CMIP: variants seen among roughly 807,000 people sequenced by gnomAD.
The protein encoded by CMIP is C-Maf-inducing protein.
Under a neutral mutation model 97.3 loss-of-function variants are expected in CMIP, and 13 were observed. That is an observed-to-expected ratio of 0.13 (90% CI 0.09 to 0.21). The LOEUF (loss-of-function observed/expected upper bound fraction) is 0.21. Among genes scored for constraint, CMIP ranks in the 10% least tolerant of loss-of-function variants. The pLI, the probability that CMIP is intolerant of heterozygous loss-of-function variation, is 1.00. For synonymous variants in CMIP, 538 were observed against 436.3 expected (o/e 1.23, Z -2.91); for missense variants, 847 against 1,024.9 (o/e 0.83, Z 2.37).
chr16:81,575,627 C>G (rs1251471122), intron 1 of CMIP, among the ~76,000 whole-genome samples: 1 of 152,144 alleles, frequency 6.6e-6, no homozygotes. Context: ...ATTGTCACCT[C>G]CTTGGTTCCT....
chr16:81,619,052 C>G (rs1469438489), intron 2 of CMIP: 1 of 152,266 alleles, frequency 6.6e-6, no homozygotes, highest in Non-Finnish European at 1.5e-5. Context: ...GGGGCACAGG[C>G]TTGGGTCGTC....
intron 1 of CMIP, among the ~76,000 whole-genome samples, chr16:81,535,142 G>T (rs906368246): frequency 6.6e-6 from 1 of 152,098 alleles, no homozygotes; most frequent in Non-Finnish European, 1.5e-5. Flanking sequence ...AGTAGAGACG[G>T]GGTTTCACTG....
chr16:81,559,832 T>C (rs2090841775), intron 1 of CMIP, among the ~76,000 whole-genome samples: 1 of 152,160 alleles, frequency 6.6e-6, no homozygotes, highest in Non-Finnish European at 1.5e-5. Context: ...CTCAGGCAAG[T>C]CTTTCAAGAG....
At chr16:81,551,746 T>A (rs2090662606) in intron 1 of CMIP, among the ~76,000 whole-genome samples, 1 of 152,106 alleles carries the variant, frequency 6.6e-6, no homozygotes. Flanking sequence ...ATCATAGGGG[T>A]CTGTGTCCAA....
chr16:81,706,368 G>A (rs903283323), intron 19 of CMIP, among the ~76,000 whole-genome samples: 6 of 152,236 alleles, frequency 3.9e-5, no homozygotes, highest in African/African-American at 1.4e-4. Context: ...CTACCGGGCC[G>A]CTGGCAAATG....
intron 6 of CMIP, among the ~76,000 whole-genome samples, chr16:81,662,696 G>T (rs1361790662): frequency 6.6e-6 from 1 of 152,222 alleles, no homozygotes; most frequent in Non-Finnish European, 1.5e-5. Flanking sequence ...TCATCTGGGG[G>T]CCGGGTGGGT....
intron 1 of CMIP, among the ~76,000 whole-genome samples, chr16:81,527,736 GT>G (rs1178043227): frequency 6.6e-6 from 1 of 152,222 alleles, no homozygotes; most frequent in Non-Finnish European, 1.5e-5. Context: ...CTCCACATGT[GT>G]TTGTGAGCTT....
At position 81,615,306 on chromosome 16, in the gene CMIP, G is replaced by GTATA. The variant is rs2091898211; in HGVS notation, c.427-5570_427-5569insTATA. Among the ~76,000 whole-genome samples the GTATA allele has an allele frequency of 3.0e-5, 4 of 135,418 alleles. No individual in the cohort carries two copies. The South Asian group carries it at 7.4e-4, about 25-fold the overall frequency. The allele number at this position is 135,418 out of a possible 152,430, so 88.8% of individuals were successfully genotyped here. On this transcript the variant is annotated intron_variant, in intron 2 of 20. Transcript: ENST00000537098. ...GTGTGGTGTGTGTGCATGTGTAACTGGTGTGTGTGTATGGTGTGTGTGGTG... is the reference window on the plus strand; with the variant it reads ...GTGTGGTGTGTGTGCATGTGTAACTGTATAGTGTGTGTGTATGGTGTGTGTGGTG...
intron 1 of CMIP, among the ~76,000 whole-genome samples, chr16:81,478,937 T>G (rs1023754136): frequency 6.6e-6 from 1 of 152,146 alleles, no homozygotes; most frequent in South Asian, 2.1e-4. Flanking sequence ...TGGAGCTCAG[T>G]TGGAGACCCG....
chr16:81,682,236 T>C (rs988497581), intron 10 of CMIP, among the ~76,000 whole-genome samples: 1 of 150,972 alleles, frequency 6.6e-6, no homozygotes, highest in Non-Finnish European at 1.5e-5. Flanking sequence ...GTTATCAGTA[T>C]TGAAGTGCTG....
At chr16:81,626,155 C>T (rs939530180) in intron 3 of CMIP, among the ~76,000 whole-genome samples, 1 of 152,224 alleles carries the variant, frequency 6.6e-6, no homozygotes, top group Non-Finnish European at 1.5e-5. Flanking sequence ...CTCTGTCCCT[C>T]CTCTGTGGAG....
chr16:81,531,982 C>T (rs1227124255), intron 1 of CMIP, among the ~76,000 whole-genome samples: 1 of 151,772 alleles, frequency 6.6e-6, no homozygotes, highest in Non-Finnish European at 1.5e-5. Flanking sequence ...TAAAACTGTC[C>T]TGCGATTTGA....
At chr16:81,568,242 C>G (rs1038788526) in intron 1 of CMIP, among the ~76,000 whole-genome samples, 7 of 152,076 alleles carry the variant, frequency 4.6e-5, no homozygotes, top group African/African-American at 1.7e-4. Flanking sequence ...GAGGGACCCT[C>G]TGGCCTCACC....
chr16:81,464,867 A>G (rs1907107434), intron 1 of CMIP: 1 of 152,096 alleles, frequency 6.6e-6, no homozygotes, highest in Non-Finnish European at 1.5e-5. Context: ...CGTTCCCCCC[A>G]TGTTTAGCAC....
chr16:81,445,210 C>A lies in CMIP; in HGVS notation c.-32C>A. ...CCAGCAGCCCAGGACAGCCCCCTCT[C>A]CCCGCCCCCAGCCCCCTCCCCCGGC... On this transcript the variant is annotated 5_prime_UTR_variant, in exon 1 of 21. Transcript: ENST00000537098. The A allele has an allele frequency of 4.2e-6, 6 of 1,417,626 alleles. No individual in the cohort carries two copies. The highest frequency in any genetic ancestry group is 1.4e-5 in the South Asian group (1 of 73,336). 87.8% of individuals were successfully genotyped at this position (1,417,626 alleles called of 1,614,324 possible). A position where few individuals can be genotyped will look rare whatever the true frequency, so the allele number is the denominator to read the frequency against.
chr16:81,641,311 C>T (rs2092304268), intron 3 of CMIP, among the ~76,000 whole-genome samples: 3 of 152,300 alleles, frequency 2.0e-5, no homozygotes, highest in Non-Finnish European at 4.4e-5. Context: ...CCGAGAGCAC[C>T]TTCCCTGGGT....
chr16:81,669,521 C>G (rs1371730975), intron 7 of CMIP, among the ~76,000 whole-genome samples: 2 of 145,048 alleles, frequency 1.4e-5, no homozygotes, highest in Admixed American at 6.8e-5. Flanking sequence ...ACCTCCACAC[C>G]CACCTCTCAC....
rs114388323 is a variant in CMIP at position 81,484,691 on chromosome 16, C to T, written c.300+39150C>T. Among the ~76,000 whole-genome samples the T allele has an allele frequency of 3.5e-3, 526 of 152,182 alleles. 5 individuals are homozygous for T. Among genetic ancestry groups the T allele is most frequent in the African/African-American group, 0.012 (493 of 41,510 alleles). ...TGATGGGACTCCTGTAGACGCTAAG[C>T]GATGGAAACATTGTGCGCATCCAGT... On this transcript the variant is annotated intron_variant, in intron 1 of 20. Coordinates refer to ENST00000537098, the MANE Select transcript of CMIP (RefSeq NM_198390.3).
At position 81,709,793 on chromosome 16, in the gene CMIP, C is replaced by A. The variant is rs772220763; in HGVS notation, c.2316C>A (p.Ala772=). 1.2e-6 allele frequency: 2 copies of A among 1,613,926 alleles called. No homozygotes were observed. Among genetic ancestry groups the A allele is most frequent in the Non-Finnish European group, 1.7e-6 (2 of 1,179,840 alleles). The change falls in exon 21 of 21, where the codon GCC becomes GCA. Residue 772 remains alanine (A), a synonymous_variant. Coordinates refer to ENST00000537098, the MANE Select transcript of CMIP (RefSeq NM_198390.3). ...LKEVDVRYTE[A]W ...AAGTGGACGTCCGCTACACCGAAGC[C>A]TGGTGAAGCTCCCAGCTCAAGGCAG...
Sources: allele counts gnomAD v4.1 joint callset (sites outside exome capture counted in the v4.1 genomes callset), GRCh38; gene constraint gnomAD v4.1.1; transcripts MANE v1.5; gene names NCBI Gene and HGNC (gene_info 2026-07-23, HGNC 2026-07-21).